STAG1: variants seen among roughly 807,000 people sequenced by gnomAD.
The protein encoded by STAG1 is STAG1 cohesin complex component, also known as cohesin subunit SA-1.
STAG1 carries 26 observed loss-of-function variants against 170.9 expected under a neutral mutation model. The ratio of observed to expected loss-of-function variants is 0.15; its 90% CI spans 0.11 to 0.21. The LOEUF (loss-of-function observed/expected upper bound fraction) is 0.21, where lower values mean the gene tolerates loss of function less well. Among genes scored for constraint, STAG1 ranks in the 10% least tolerant of loss-of-function variants. STAG1 has a pLI of 1.00. For missense variants in STAG1, 964 were observed against 1,509.5 expected, an observed-to-expected ratio of 0.64 and a Z score of 5.99; for synonymous variants, 514 against 497.7, an observed-to-expected ratio of 1.03 and a Z score of -0.44.
intron 15 of STAG1, among the ~76,000 whole-genome samples, chr3:136,434,533 C>T (rs2088399498): frequency 2.6e-5 from 4 of 152,172 alleles, no homozygotes; most frequent in Admixed American, 1.3e-4. Flanking sequence ...TCTTATCAAT[C>T]TGAGAACTCT....
chr3:136,389,837 CT>C (rs112909394), intron 22 of STAG1, among the ~76,000 whole-genome samples: 117 of 138,440 alleles, frequency 8.5e-4, no homozygotes, highest in African/African-American at 7.1e-4. Flanking sequence ...ATTTTTTTTT[CT>C]TTTTTTTTTT....
At chr3:136,692,313 CAA>C (rs71157399) in intron 1 of STAG1, among the ~76,000 whole-genome samples, 1 of 46,236 alleles carries the variant, frequency 2.2e-5, no homozygotes, top group African/African-American at 1.0e-4. Context: ...GACTCCATCT[CAA>C]AAAAAAAAAA....
chr3:136,370,670 T>A (rs1445628412), intron 23 of STAG1, among the ~76,000 whole-genome samples: 22 of 152,210 alleles, frequency 1.4e-4, no homozygotes, highest in Admixed American at 1.4e-3. Flanking sequence ...TTCATCCATG[T>A]CCCTACAAAG....
chr3:136,352,453 C>T (rs192494748), intron 28 of STAG1, among the ~76,000 whole-genome samples: 298 of 152,268 alleles, frequency 2.0e-3, no homozygotes, highest in Non-Finnish European at 3.1e-3. Flanking sequence ...AGCCACAGCG[C>T]CTGGCCAAAT....
chr3:136,433,489 C>A, intron 16 of STAG1, 67 bp downstream of exon 16: 6 of 1,147,272 alleles, frequency 5.2e-6, no homozygotes. Flanking sequence ...AGTAAAATTT[C>A]CAAATATTTA....
chr3:136,398,651 T>G (rs1478845975), intron 22 of STAG1, 98 bp downstream of exon 22: 1 of 486,034 alleles, frequency 2.1e-6, no homozygotes, highest in East Asian at 5.7e-5. Flanking sequence ...TTACAATAAT[T>G]TATATTATAC....
rs1218398788 is a variant in STAG1, at chr3:136,473,702, T to C, written c.1027-65A>G. 33 of 1,192,212 alleles carry C rather than the reference T, an allele frequency of 2.8e-5. No homozygotes were observed. The East Asian group carries it at 7.1e-4, about 26-fold the overall frequency. The allele number at this position is 1,192,212 out of a possible 1,614,324, so 73.9% of individuals were successfully genotyped here. The stretch of plus-strand genomic sequence containing the variant: ...TTCCATACTACAATTTTCAAGTCTA[T>C]ATGAAGACTAAAATTTAGCTTAAAC... On this transcript the variant is annotated intron_variant, in intron 10 of 33. Coordinates refer to ENST00000383202, the MANE Select transcript of STAG1 (RefSeq NM_005862.3).
intron 12 of STAG1, among the ~76,000 whole-genome samples, chr3:136,465,337 AG>A (rs2089422000): frequency 1.3e-5 from 2 of 149,868 alleles, no homozygotes; most frequent in Admixed American, 1.4e-4. Flanking sequence ...CTCCTGCCTC[AG>A]CCTCCTGAGT....
chr3:136,505,637 T>C (rs1378868033), intron 7 of STAG1, among the ~76,000 whole-genome samples: 1 of 152,248 alleles, frequency 6.6e-6, no homozygotes. Flanking sequence ...ATACTGAGCA[T>C]TGTTCTAGTT....
chr3:136,620,956 T>C (rs1368599148), intron 3 of STAG1, among the ~76,000 whole-genome samples: 1 of 152,070 alleles, frequency 6.6e-6, no homozygotes, highest in Admixed American at 6.6e-5. Flanking sequence ...TGAAACCCCA[T>C]CTCTACTAAA....
intron 9 of STAG1, among the ~76,000 whole-genome samples, chr3:136,498,233 T>TATATACACACAC: frequency 7.0e-5 from 4 of 57,512 alleles, no homozygotes; most frequent in Non-Finnish European, 1.1e-4. Flanking sequence ...TATATATATA[T>TATATACACACAC]ACACATACAT....
intron 1 of STAG1, among the ~76,000 whole-genome samples, chr3:136,723,811 C>T (rs1268558743): frequency 4.8e-5 from 7 of 146,588 alleles, no homozygotes; most frequent in Non-Finnish European, 9.1e-5. Flanking sequence ...CCCGGCCAGC[C>T]GCCCCGTCCG....
rs199707345 is a variant in STAG1, at chr3:136,748,119, C to T, written c.-84+4076G>A. 3.3e-4 allele frequency among the ~76,000 whole-genome samples: 48 copies of T among 147,014 alleles called. No homozygotes were observed. The East Asian group carries it at 9.7e-3, about 30-fold the overall frequency. On this transcript the variant is annotated intron_variant, in intron 1 of 33. Coordinates refer to ENST00000383202, the MANE Select transcript of STAG1 (RefSeq NM_005862.3). ...AAAAATAAAAATAACTGGCCGGGCA[C>T]GGTGGCTCATGCCTGTAATCCCAGC...
intron 15 of STAG1, 36 bp downstream of exon 15, chr3:136,443,251 C>CA (rs1268179855): frequency 4.1e-6 from 6 of 1,467,490 alleles, no homozygotes; most frequent in Non-Finnish European, 4.8e-6. Flanking sequence ...AATGGAAATA[C>CA]AAAATCATGT....
At chr3:136,619,834 G>A (rs1939767648) in intron 3 of STAG1, among the ~76,000 whole-genome samples, 1 of 151,384 alleles carries the variant, frequency 6.6e-6, no homozygotes, top group Non-Finnish European at 1.5e-5. Flanking sequence ...GGGAGGCTGA[G>A]GTGGGACGAT....
At chr3:136,439,147 G>C (rs1331883003) in intron 15 of STAG1, among the ~76,000 whole-genome samples, 2 of 126,692 alleles carry the variant, frequency 1.6e-5, no homozygotes, top group East Asian at 4.8e-4. Flanking sequence ...AGTGAGCCGA[G>C]ATCCGCCACT....
rs549731796 is a variant in STAG1 at position 136,594,692 on chromosome 3, G to C, written c.297+9617C>G. Reference sequence around the variant, plus strand: ...AGACTAGAAAGTCCATGAAGGTAAGGGTCAGGTGAGTTTAATTAATATTGT... The same window carrying C: ...AGACTAGAAAGTCCATGAAGGTAAGCGTCAGGTGAGTTTAATTAATATTGT... On this transcript the variant is annotated intron_variant, in intron 4 of 33. Transcript: ENST00000383202. Among the ~76,000 whole-genome samples, 9 of 152,238 alleles carry C rather than the reference G, an allele frequency of 5.9e-5. No homozygotes were observed. In the East Asian group the frequency reaches 1.2e-3, roughly 20 times the overall value.
intron 26 of STAG1, among the ~76,000 whole-genome samples, chr3:136,359,623 G>A (rs745689162): frequency 3.3e-5 from 5 of 152,112 alleles, no homozygotes; most frequent in Non-Finnish European, 5.9e-5. Flanking sequence ...TCCACCTCCC[G>A]GGTTAAAGGA....
At position 136,739,950 on chromosome 3, in the gene STAG1, G is replaced by A. The variant is rs531417543; in HGVS notation, c.-84+12245C>T. 3.3e-5 allele frequency among the ~76,000 whole-genome samples: 5 copies of A among 152,138 alleles called. No individual in the cohort carries two copies. In the South Asian group the frequency reaches 8.3e-4, roughly 25 times the overall value. On this transcript the variant is annotated intron_variant, in intron 1 of 33. Transcript: ENST00000383202. ...TTATGACGCCAACAATAAATGCAACGGGATAGATACAGAGGATAAAGATTG... is the reference window on the plus strand; with the variant it reads ...TTATGACGCCAACAATAAATGCAACAGGATAGATACAGAGGATAAAGATTG...
Sources: allele counts gnomAD v4.1 joint callset (sites outside exome capture counted in the v4.1 genomes callset), GRCh38; gene constraint gnomAD v4.1.1; transcripts MANE v1.5; gene names NCBI Gene and HGNC (gene_info 2026-07-23, HGNC 2026-07-21).